Variants in DTD1 observed in about 807,000 individuals in gnomAD.
DTD1 encodes D-tyrosyl-tRNA deacylase 1 homolog.
A neutral mutation model predicts 25.6 loss-of-function variants in DTD1; 13 were observed. That is an observed-to-expected ratio of 0.51 (90% confidence interval 0.33 to 0.81). The LOEUF (loss-of-function observed/expected upper bound fraction) is 0.81, where lower values mean the gene tolerates loss of function less well. DTD1 is among the 30% of genes least tolerant of loss of function. The probability of loss-of-function intolerance (pLI) is 0.02; values close to 1 mark genes in which losing one functional copy is unlikely to be tolerated. For missense variants in DTD1, 193 were observed against 266.4 expected, an observed-to-expected ratio of 0.72 and a Z score of 1.92; for synonymous variants, 110 against 103.6, an observed-to-expected ratio of 1.06 and a Z score of -0.37.
At chr20:18,639,179 T>TTAAA (rs139974142) in intron 4 of DTD1, among the ~76,000 whole-genome samples, 1 of 86,832 alleles carries the variant, frequency 1.2e-5, no homozygotes, top group Non-Finnish European at 2.5e-5. Context: ...GTTTTTTTTT[T>TTAAA]AAGAAAAAAA....
chr20:18,743,689 A>AGG (rs1555804071), intron 4 of DTD1, among the ~76,000 whole-genome samples: 1 of 121,072 alleles, frequency 8.3e-6, no homozygotes, highest in South Asian at 2.9e-4. Flanking sequence ...AAAAAAAAAA[A>AGG]AAAAGAAAAG....
chr20:18,752,585 C>G (rs1422458906), intron 5 of DTD1, among the ~76,000 whole-genome samples: 1 of 152,112 alleles, frequency 6.6e-6, no homozygotes, highest in Non-Finnish European at 1.5e-5. Flanking sequence ...TCTGTTCTTG[C>G]ATATTGTTTA....
chr20:18,729,309 G>A (rs746777915), intron 4 of DTD1, among the ~76,000 whole-genome samples: 17 of 152,222 alleles, frequency 1.1e-4, no homozygotes, highest in Non-Finnish European at 2.4e-4. Flanking sequence ...GTTCATGACA[G>A]TTTTGTCGTG....
At chr20:18,647,892 G>A (rs1321951914) in intron 4 of DTD1, among the ~76,000 whole-genome samples, 3 of 152,174 alleles carry the variant, frequency 2.0e-5, no homozygotes, top group Non-Finnish European at 4.4e-5. Context: ...GGCCAGGGTA[G>A]AGAGGAACAG....
At chr20:18,612,325 C>T (rs1419970551) in intron 3 of DTD1, among the ~76,000 whole-genome samples, 18 of 152,248 alleles carry the variant, frequency 1.2e-4, no homozygotes, top group Non-Finnish European at 1.6e-4. Flanking sequence ...TGAGCCACCG[C>T]GCCTGGCCCA....
At chr20:18,734,885 A>G (rs1057392396) in intron 4 of DTD1, among the ~76,000 whole-genome samples, 3 of 152,094 alleles carry the variant, frequency 2.0e-5, no homozygotes, top group Middle Eastern at 6.3e-3. Context: ...GGGGGCATTT[A>G]CCCTTTTGCC....
chr20:18,715,160 C>T (rs2061175077), intron 4 of DTD1, among the ~76,000 whole-genome samples: 1 of 152,090 alleles, frequency 6.6e-6, no homozygotes, highest in South Asian at 2.1e-4. Context: ...AAGTAGTGAC[C>T]AACTACTGTC....
intron 3 of DTD1, among the ~76,000 whole-genome samples, chr20:18,619,855 A>T (rs753379768): frequency 6.6e-6 from 1 of 152,226 alleles, no homozygotes; most frequent in Non-Finnish European, 1.5e-5. Context: ...ATGGCTTCCC[A>T]AAACTATTTA....
intron 3 of DTD1, among the ~76,000 whole-genome samples, chr20:18,610,422 G>C (rs754493493): frequency 1.3e-5 from 2 of 152,118 alleles, no homozygotes; most frequent in South Asian, 4.1e-4. Context: ...TTTTATCTAG[G>C]TAATTATATG....
chr20:18,622,488 C>T (rs1330187924), intron 3 of DTD1, among the ~76,000 whole-genome samples: 1 of 152,198 alleles, frequency 6.6e-6, no homozygotes, highest in Non-Finnish European at 1.5e-5. Flanking sequence ...TTCATTTTCT[C>T]CAGGCTTTTT....
intron 3 of DTD1, among the ~76,000 whole-genome samples, chr20:18,599,479 A>C (rs1463402179): frequency 6.6e-6 from 1 of 152,190 alleles, no homozygotes; most frequent in African/African-American, 2.4e-5. Flanking sequence ...CTGGCCAAAC[A>C]TCTGTGTTTA....
chr20:18,593,777 G>A lies in DTD1; in HGVS notation c.90G>A (p.Leu30=). 1.2e-6 allele frequency: 2 copies of A among 1,614,032 alleles called. No homozygotes were observed. Among genetic ancestry groups the A allele is most frequent in the Non-Finnish European group, 1.7e-6 (2 of 1,179,948 alleles). ...CCATTGGAAGGGGCATATGTGTGTT[G>A]CTGGGTATTTCCCTGGAGGATACGC... is the stretch of plus-strand genomic sequence containing the variant. The part of the protein sequence containing the change: ...ISAIGRGICV[L]LGISLEDTQK... The change falls in exon 2 of 6, where the codon TTG becomes TTA. Residue 30 remains leucine (L), a synonymous_variant. Transcript: ENST00000377452.
chr20:18,693,699 T>C (rs868683803), intron 4 of DTD1, among the ~76,000 whole-genome samples: 1 of 151,902 alleles, frequency 6.6e-6, no homozygotes, highest in Non-Finnish European at 1.5e-5. Context: ...ATCACACTTA[T>C]TTATTAGACA....
chr20:18,651,447 A>G (rs1207729549), intron 4 of DTD1, among the ~76,000 whole-genome samples: 1 of 152,226 alleles, frequency 6.6e-6, no homozygotes, highest in African/African-American at 2.4e-5. Flanking sequence ...CACCGCTCCC[A>G]GCCAACAGCT....
intron 3 of DTD1, among the ~76,000 whole-genome samples, chr20:18,600,410 G>A (rs1007352603): frequency 3.3e-5 from 5 of 152,158 alleles, no homozygotes; most frequent in African/African-American, 7.2e-5. Flanking sequence ...TCAATTCACT[G>A]TATTTATCAG....
At chr20:18,615,525 C>A (rs530114942) in intron 3 of DTD1, among the ~76,000 whole-genome samples, 1 of 152,086 alleles carries the variant, frequency 6.6e-6, no homozygotes, top group Non-Finnish European at 1.5e-5. Context: ...TGAACGCTGT[C>A]CAAGTTGAGT....
Position 18,751,597 on chromosome 20 carries a change from ATTC to A in DTD1, c.*19+7329_*19+7331del, listed in dbSNP as rs1191487095. On this transcript the variant is annotated intron_variant, in intron 5 of 5. Transcript: ENST00000377452. ...ATCCTCCACCTCCCAGGTTCAAGCG[ATTC>A]TTGTGCCTCAGCCTCCCTAGTAGCT... Among the ~76,000 whole-genome samples the A allele has an allele frequency of 4.6e-5, 7 of 151,668 alleles. No homozygotes were observed. The East Asian group carries it at 1.4e-3, about 30-fold the overall frequency.
intron 5 of DTD1, among the ~76,000 whole-genome samples, chr20:18,746,397 C>T (rs2061300343): frequency 6.6e-6 from 1 of 152,026 alleles, no homozygotes; most frequent in African/African-American, 2.4e-5. Flanking sequence ...TCCACAATAC[C>T]AGGAAGTGAG....
At chr20:18,755,935 G>A (rs140344382) in intron 5 of DTD1, among the ~76,000 whole-genome samples, 21,305 of 152,158 alleles carry the variant, frequency 0.14, 1,836 homozygotes, top group Non-Finnish European at 0.19. Context: ...AGCCCCTGTC[G>A]TTTCCTGACT....
Sources: allele counts gnomAD v4.1 joint callset (sites outside exome capture counted in the v4.1 genomes callset), GRCh38; gene constraint gnomAD v4.1.1; transcripts MANE v1.5; gene names NCBI Gene and HGNC (gene_info 2026-07-23, HGNC 2026-07-21).